The following TBC1D16 variants were observed in gnomAD, a reference collection of about 807,000 sequenced individuals.
The protein encoded by TBC1D16 is TBC1 domain family member 16.
Under a neutral mutation model 74.7 loss-of-function variants are expected in TBC1D16, and 58 were observed. The observed-to-expected ratio is 0.78, with a 90% confidence interval of 0.63 to 0.97. The LOEUF is 0.97. TBC1D16 is among the 50% of genes least tolerant of loss of function. The pLI is 0.00. For missense variants in TBC1D16, 1,014 were observed against 1,079.5 expected (o/e 0.94, Z 0.85); for synonymous variants, 493 against 474.7 (o/e 1.04, Z -0.50).
intron 1 of TBC1D16, among the ~76,000 whole-genome samples, chr17:80,018,368 G>A (rs546002604): frequency 4.0e-5 from 6 of 148,862 alleles, no homozygotes; most frequent in South Asian, 2.1e-4. Context: ...TGCAAGCTCC[G>A]CCTCCCAGGT....
rs35570056 is a variant in TBC1D16, at chr17:79,961,342, C to A, written c.780-8524G>T. On this transcript the variant is annotated intron_variant, in intron 3 of 11. Transcript: ENST00000310924. This position sits in a 1 kb window ranked among gnomAD's most constrained non-coding sequence, Gnocchi z 4.8. ...AATGGCTACAGTGGACAAGACTGATCATAGCAAGTGTTGCTGAGGACATGG... is the reference window on the plus strand; with the variant it reads ...AATGGCTACAGTGGACAAGACTGATAATAGCAAGTGTTGCTGAGGACATGG... Among the ~76,000 whole-genome samples the A allele has an allele frequency of 0.031, 4,686 of 152,294 alleles. 122 individuals carry two copies. The highest frequency in any genetic ancestry group is 0.051 in the Middle Eastern group (15 of 294).
chr17:79,962,201 A>ATT (rs563506473), intron 3 of TBC1D16, among the ~76,000 whole-genome samples: 13 of 64,986 alleles, frequency 2.0e-4, no homozygotes, highest in Non-Finnish European at 3.3e-4. Context: ...ATCTCAACCT[A>ATT]TTTTTTTTTT....
At chr17:80,002,600 G>C (rs764861491) in intron 3 of TBC1D16, among the ~76,000 whole-genome samples, 1 of 152,158 alleles carries the variant, frequency 6.6e-6, no homozygotes, top group Admixed American at 6.5e-5. Flanking sequence ...AGAGTTTTTC[G>C]GGCCTGTCCT....
intron 3 of TBC1D16, among the ~76,000 whole-genome samples, chr17:79,967,361 T>C (rs2033888277): frequency 6.6e-6 from 1 of 152,100 alleles, no homozygotes. Context: ...ATCTAGCATA[T>C]AGAATATCAT....
intron 3 of TBC1D16, among the ~76,000 whole-genome samples, chr17:80,003,973 C>T (rs1369200602): frequency 3.3e-5 from 5 of 152,210 alleles, no homozygotes; most frequent in African/African-American, 9.6e-5. Context: ...CGCTCGAGCC[C>T]GGGAGGTGGA....
chr17:79,955,112 G>A (rs983446287), intron 3 of TBC1D16, among the ~76,000 whole-genome samples: 56 of 152,268 alleles, frequency 3.7e-4, no homozygotes, highest in African/African-American at 7.2e-4. Flanking sequence ...AAACCCTCTC[G>A]CAACCCCTTA....
At chr17:80,021,354 CT>C (rs1365639623) in intron 1 of TBC1D16, among the ~76,000 whole-genome samples, 1 of 149,592 alleles carries the variant, frequency 6.7e-6, no homozygotes, top group East Asian at 1.9e-4. Context: ...ATCCCAGCTA[CT>C]CGGGAGGCTA....
At chr17:80,029,019 A>G (rs188001319) in intron 1 of TBC1D16, among the ~76,000 whole-genome samples, 4 of 152,274 alleles carry the variant, frequency 2.6e-5, no homozygotes, top group African/African-American at 9.6e-5. Context: ...CAACTTGGCC[A>G]TTCCTCAACA....
rs1200709181 is a variant in TBC1D16 at position 80,026,929 on chromosome 17, C to CTCA, written c.-63+8863_-63+8865dup. Among the ~76,000 whole-genome samples the CTCA allele has an allele frequency of 2.1e-5, 3 of 146,134 alleles. 1 individual carries two copies. The highest frequency in any genetic ancestry group is 8.4e-5 in the African/African-American group (3 of 35,880). On this transcript the variant is annotated intron_variant, in intron 1 of 11. Transcript: ENST00000310924. Reference sequence around the variant, plus strand: ...GCTCTTCCTAGGGGCCAGATGCCTTCTCATCAGTACACGAACAGAGGCGGG... The same window carrying CTCA: ...GCTCTTCCTAGGGGCCAGATGCCTTCTCATCATCAGTACACGAACAGAGGCGGG...
At chr17:80,017,787 G>A (rs2036144675) in intron 1 of TBC1D16, among the ~76,000 whole-genome samples, 1 of 151,868 alleles carries the variant, frequency 6.6e-6, no homozygotes, top group Admixed American at 6.6e-5. Context: ...GCAGTGCCCT[G>A]GCATAGACCA....
intron 1 of TBC1D16, among the ~76,000 whole-genome samples, chr17:80,025,080 T>TGACGCACAAACACAC (rs1568649770): frequency 3.3e-5 from 1 of 30,304 alleles, no homozygotes; most frequent in Non-Finnish European, 6.6e-5. Flanking sequence ...CACACACACA[T>TGACGCACAAACACAC]ACCATGACAC....
intron 3 of TBC1D16, among the ~76,000 whole-genome samples, chr17:79,955,554 T>C (rs2033297407): frequency 6.6e-6 from 1 of 152,246 alleles, no homozygotes; most frequent in Non-Finnish European, 1.5e-5. Context: ...CAATTTAGTT[T>C]TAAGAATATT....
chr17:79,942,996 C>A (rs1396115192), intron 10 of TBC1D16, among the ~76,000 whole-genome samples: 2 of 152,238 alleles, frequency 1.3e-5, no homozygotes, highest in African/African-American at 4.8e-5. Context: ...GACACGCCAC[C>A]TTTGATGCAC....
chr17:79,993,097 CTAG>C lies in TBC1D16; in HGVS notation c.779+17060_779+17062del, dbSNP rs2035137148. On this transcript the variant is annotated intron_variant, in intron 3 of 11. Coordinates refer to ENST00000310924, the MANE Select transcript of TBC1D16 (RefSeq NM_019020.4). The surrounding 1 kb of genome is among the most constrained non-coding windows in gnomAD (Gnocchi z 5.1). ...ATGACAGTCTATGGGGTGGGGAGCA[CTAG>C]CGCCAGCCCCATTGTGCAGAGGGGA... Among the ~76,000 whole-genome samples, 2 of 152,186 alleles carry C rather than the reference CTAG, an allele frequency of 1.3e-5. No homozygotes were observed. The highest frequency in any genetic ancestry group is 4.8e-5 in the African/African-American group (2 of 41,440).
At chr17:80,013,724 G>C (rs895210966) in intron 1 of TBC1D16, 115 bp from the exon 2 acceptor site, 4 of 618,626 alleles carry the variant, frequency 6.5e-6, no homozygotes, top group Non-Finnish European at 1.1e-5. Context: ...AGCGTGTCCT[G>C]CTGGTGAACA....
At chr17:79,943,795 A>T in intron 10 of TBC1D16, 2 of 1,270,028 alleles carry the variant, frequency 1.6e-6, no homozygotes, top group Non-Finnish European at 2.0e-6. Context: ...CTGCCGGGCC[A>T]CGCGCTGAGT....
intron 1 of TBC1D16, among the ~76,000 whole-genome samples, chr17:80,020,656 G>A (rs1380270541): frequency 6.7e-6 from 1 of 149,990 alleles, no homozygotes; most frequent in East Asian, 1.9e-4. Context: ...AGCCGCCATT[G>A]CTAGGCATCT....
rs184091649 is a variant in TBC1D16 at position 79,968,663 on chromosome 17, C to A, written c.780-15845G>T. 5.0e-3 allele frequency among the ~76,000 whole-genome samples: 762 copies of A among 151,760 alleles called. 2 individuals are homozygous for A. Among genetic ancestry groups the A allele is most frequent in the African/African-American group, 0.017 (719 of 41,406 alleles). On this transcript the variant is annotated intron_variant, in intron 3 of 11. Transcript: ENST00000310924. ...GGTCAGGAGATTAAGACCATCCTGGCTAACATAGTGAAATCTTGTCTCTAC... is the reference window on the plus strand; with the variant it reads ...GGTCAGGAGATTAAGACCATCCTGGATAACATAGTGAAATCTTGTCTCTAC...
chr17:80,029,845 A>G (rs75307131), intron 1 of TBC1D16, among the ~76,000 whole-genome samples: 8,509 of 152,196 alleles, frequency 0.056, 727 homozygotes, highest in African/African-American at 0.19. Context: ...ACAGGGCTAA[A>G]ACCAGGTATC....
Sources: gnomAD v4.1 joint callset for allele counts (sites outside exome capture counted in the v4.1 genomes callset) on GRCh38, gnomAD v4.1.1 for gene constraint, Gnocchi (gnomAD v3.1) non-coding constraint, MANE v1.5 for transcripts, NCBI Gene and HGNC (gene_info 2026-07-23, HGNC 2026-07-21) for gene names.